The following SLC22A16 variants were observed in gnomAD, a reference collection of about 807,000 sequenced individuals.
SLC22A16 encodes the protein WUGSC:RG331P03.1.
SLC22A16 carries 53 observed loss-of-function variants against 52.9 expected under a neutral mutation model. The observed-to-expected ratio is 1.00, with a 90% CI of 0.80 to 1.26. The LOEUF is 1.26. Ranked by LOEUF, SLC22A16 falls within the 50% of genes most tolerant of loss-of-function variation. SLC22A16 has a pLI of 0.00. For synonymous variants in SLC22A16, 291 were observed against 268.8 expected (o/e 1.08, Z -0.81); for missense variants, 726 against 704.0 (o/e 1.03, Z -0.35).
chr6:110,468,342 TAGTAA>T (rs1183502133), intron 1 of SLC22A16, among the ~76,000 whole-genome samples: 1 of 152,034 alleles, frequency 6.6e-6, no homozygotes. Flanking sequence ...TCCCTGCCAG[TAGTAA>T]AATGATCAGA....
intron 1 of SLC22A16, among the ~76,000 whole-genome samples, chr6:110,470,617 T>A (rs546934443): frequency 1.6e-4 from 25 of 152,234 alleles, no homozygotes; most frequent in African/African-American, 6.0e-4. Context: ...CCCACAGTCA[T>A]CACCACATCA....
chr6:110,431,137 C>T (rs371993403), intron 7 of SLC22A16, 34 bp downstream of exon 7: 448 of 1,569,848 alleles, frequency 2.9e-4, no homozygotes, highest in Non-Finnish European at 3.8e-4. Context: ...TGCCTCCGTG[C>T]CCCCTTGGGG....
chr6:110,466,331 A>T (rs1050791656), intron 1 of SLC22A16, among the ~76,000 whole-genome samples: 3 of 152,174 alleles, frequency 2.0e-5, no homozygotes, highest in Admixed American at 2.0e-4. Context: ...CAAAAGAAAC[A>T]ATCGATAGAG....
chr6:110,424,724 C>A lies in SLC22A16; in HGVS notation c.*149G>T. 2.2e-6 allele frequency: 2 copies of A among 905,698 alleles called. No individual in the cohort carries two copies. The highest frequency in any genetic ancestry group is 5.6e-5 in the East Asian group (2 of 35,764). 56.1% of individuals were successfully genotyped at this position (905,698 alleles called of 1,614,324 possible). On this transcript the variant is annotated 3_prime_UTR_variant, in exon 8 of 8. Coordinates refer to ENST00000368919, the MANE Select transcript of SLC22A16 (RefSeq NM_033125.4). The stretch of plus-strand genomic sequence containing the variant: ...AGAATTTTCATCTTAGTTTTTATTT[C>A]TTTTATAACATATTTGCTTTAAAAT...
intron 3 of SLC22A16, 27 bp downstream of exon 3, chr6:110,446,846 A>G (rs1562287220): frequency 6.3e-7 from 1 of 1,580,306 alleles, no homozygotes; most frequent in Non-Finnish European, 8.6e-7. Context: ...CTGCAGCAGA[A>G]TTAAAGAAGT....
chr6:110,473,144 T>C (rs1776316946), intron 1 of SLC22A16, among the ~76,000 whole-genome samples: 1 of 152,158 alleles, frequency 6.6e-6, no homozygotes, highest in Admixed American at 6.5e-5. Context: ...ACACCGTAGC[T>C]GTATATAAAT....
chr6:110,448,036 T>C (rs1422156562), intron 2 of SLC22A16, among the ~76,000 whole-genome samples: 1 of 152,204 alleles, frequency 6.6e-6, no homozygotes, highest in Non-Finnish European at 1.5e-5. Flanking sequence ...CTGGGTCATA[T>C]GGTAACTCTA....
At chr6:110,474,878 A>G in intron 1 of SLC22A16, 1 of 513,936 alleles carries the variant, frequency 1.9e-6, no homozygotes, top group Non-Finnish European at 3.9e-6. Context: ...TAATATAATT[A>G]CCTCAGCTAA....
chr6:110,438,612 C>A, intron 5 of SLC22A16, 108 bp downstream of exon 5: 1 of 1,198,840 alleles, frequency 8.3e-7, no homozygotes, highest in Admixed American at 2.7e-5. Context: ...ATATACTCTG[C>A]CCAAATCATA....
chr6:110,464,177 C>T (rs1775986743), intron 1 of SLC22A16, among the ~76,000 whole-genome samples: 1 of 152,038 alleles, frequency 6.6e-6, no homozygotes, highest in South Asian at 2.1e-4. Context: ...GCATTAATTG[C>T]TCAAATCAAA....
Position 110,442,649 on chromosome 6 carries a change from T to A in SLC22A16, c.778A>T (p.Thr260Ser), listed in dbSNP as rs1356156111. The A allele has an allele frequency of 6.2e-7, 1 of 1,614,012 alleles. No individual in the cohort carries two copies. Among genetic ancestry groups the A allele is most frequent in the African/African-American group, 1.3e-5 (1 of 74,890 alleles). ...FAVGTLLVAL[T>S]GYLVRTWWLY... is the part of the protein sequence containing the mutation. The stretch of plus-strand genomic sequence containing the variant: ...CACCAGGTCCTGACCAAGTATCCTG[T>A]CAAAGCCACCAGCAGGGTTCCAACT... Residue 260 changes from threonine (T) to serine (S), a missense_variant, in exon 4 of 8, where the codon ACA becomes TCA. By Grantham distance (58) the Thr-to-Ser change is moderately conservative. Coordinates refer to ENST00000368919, the MANE Select transcript of SLC22A16 (RefSeq NM_033125.4).
chr6:110,446,576 G>A (rs1233197100), intron 3 of SLC22A16, among the ~76,000 whole-genome samples: 2 of 152,170 alleles, frequency 1.3e-5, no homozygotes, highest in African/African-American at 4.8e-5. Context: ...AACAGGCCCT[G>A]ACTAGACCAA....
chr6:110,467,179 T>C (rs1193665513), intron 1 of SLC22A16, among the ~76,000 whole-genome samples: 1 of 152,148 alleles, frequency 6.6e-6, no homozygotes, highest in East Asian at 1.9e-4. Context: ...CATACTCCTC[T>C]CTCTCTGCGT....
intron 2 of SLC22A16, among the ~76,000 whole-genome samples, chr6:110,450,344 G>A (rs536975050): frequency 6.6e-6 from 1 of 152,136 alleles, no homozygotes; most frequent in African/African-American, 2.4e-5. Context: ...GGGCATGGCG[G>A]CTCATGCCTG....
At position 110,456,966 on chromosome 6, in the gene SLC22A16, AC is replaced by A; in HGVS notation, c.104del (p.Gly35ValfsTer24). 1 of 1,583,262 alleles carries A rather than the reference AC, an allele frequency of 6.3e-7. No homozygotes were observed. On this transcript the variant is annotated frameshift_variant, in exon 2 of 8. Transcript: ENST00000368919. LOFTEE classifies it high-confidence loss of function. ...TGAACACAGAAGCCAAGTAGTGAAT[AC>A]CACAAGAGATGTTCTGGAAGGCACA... ...FICAFQNISC[G>X]IHYLASVFMG... is the part of the protein sequence containing the mutation.
intron 1 of SLC22A16, among the ~76,000 whole-genome samples, chr6:110,461,208 G>A (rs1775869051): frequency 6.6e-6 from 1 of 152,202 alleles, no homozygotes; most frequent in Admixed American, 6.5e-5. Context: ...CCACAGAGCT[G>A]ACTGTTCTGG....
At chr6:110,439,856 A>C (rs905491211) in intron 4 of SLC22A16, 1 of 152,210 alleles carries the variant, frequency 6.6e-6, no homozygotes, top group African/African-American at 2.4e-5. Context: ...AAGTACAACA[A>C]CATAAATTAT....
chr6:110,464,998 T>C (rs1390486452), intron 1 of SLC22A16, among the ~76,000 whole-genome samples: 6 of 151,978 alleles, frequency 3.9e-5, no homozygotes, highest in Non-Finnish European at 8.8e-5. Context: ...TGCAAGTCAA[T>C]TAATGTCATT....
chr6:110,436,209 G>A (rs1327768150), intron 5 of SLC22A16, among the ~76,000 whole-genome samples: 1 of 152,154 alleles, frequency 6.6e-6, no homozygotes, highest in Non-Finnish European at 1.5e-5. Flanking sequence ...GGTTTGAACT[G>A]TGACGAAAGC....
Sources: gnomAD v4.1 joint callset for allele counts (sites outside exome capture counted in the v4.1 genomes callset) on GRCh38, gnomAD v4.1.1 for gene constraint, MANE v1.5 for transcripts, NCBI Gene and HGNC (gene_info 2026-07-23, HGNC 2026-07-21) for gene names.